EPHA5: variants seen among roughly 807,000 people sequenced by gnomAD.
The protein encoded by EPHA5 is ephrin type-A receptor 5.
Under a neutral mutation model 105.0 loss-of-function variants are expected in EPHA5, and 60 were observed. The observed-to-expected ratio is 0.57, with a 90% CI of 0.46 to 0.71. The LOEUF is 0.71. Ranked by LOEUF, EPHA5 falls within the 30% of genes least tolerant of loss-of-function variation. The probability of loss-of-function intolerance (pLI) is 0.00; values close to 1 mark genes in which losing one functional copy is unlikely to be tolerated. For missense variants in EPHA5, 1,218 were observed against 1,274.7 expected (o/e 0.96, Z 0.68); for synonymous variants, 513 against 449.1 (o/e 1.14, Z -1.80).
At position 65,561,192 on chromosome 4, in the gene EPHA5, A is replaced by C. The variant is rs377526092; in HGVS notation, c.910+40449T>G. Among the ~76,000 whole-genome samples the C allele has an allele frequency of 3.3e-5, 5 of 152,196 alleles. No homozygotes were observed. In the South Asian group the frequency reaches 1.0e-3, roughly 32 times the overall value. On this transcript the variant is annotated intron_variant, in intron 3 of 16. Transcript: ENST00000613740. ...AGGGACAAAAAACACAAACATTAAA[A>C]AAAAAACTATTCAGTCCCCTTGTTC...
chr4:65,428,451 T>G (rs988895484), intron 5 of EPHA5, among the ~76,000 whole-genome samples: 1 of 152,126 alleles, frequency 6.6e-6, no homozygotes, highest in African/African-American at 2.4e-5. Context: ...GAAGGTATTT[T>G]AAAGGTTTCT....
intron 12 of EPHA5, 28 bp downstream of exon 12, chr4:65,353,014 G>T: frequency 7.0e-7 from 1 of 1,430,640 alleles, no homozygotes; most frequent in Non-Finnish European, 9.5e-7. Flanking sequence ...ATAACACCTT[G>T]AATAACTAAA....
At position 65,506,493 on chromosome 4, in the gene EPHA5, G is replaced by A. The variant is rs113286749; in HGVS notation, c.911-10950C>T. Among the ~76,000 whole-genome samples the A allele has an allele frequency of 4.7e-3, 675 of 144,652 alleles. 77 individuals carry two copies. Among genetic ancestry groups the A allele is most frequent in the Non-Finnish European group, 6.7e-3 (436 of 65,438 alleles). The allele number at this position is 144,652 out of a possible 152,430, so 94.9% of individuals were successfully genotyped here. A position where few individuals can be genotyped will look rare whatever the true frequency, so the allele number is the denominator to read the frequency against. On this transcript the variant is annotated intron_variant, in intron 3 of 16. Transcript: ENST00000613740. ...AGTGTAAAAGTGTTCCTATTTCTCC[G>A]CATCCTCTCCAGCACCTGTTGTTTC...
intron 2 of EPHA5, among the ~76,000 whole-genome samples, chr4:65,641,077 A>G (rs949113518): frequency 1.3e-5 from 2 of 152,200 alleles, no homozygotes; most frequent in African/African-American, 4.8e-5. Context: ...AGAGTGTCTT[A>G]CAATGTAGTC....
At chr4:65,485,621 C>T (rs571066320) in intron 5 of EPHA5, among the ~76,000 whole-genome samples, 13 of 152,194 alleles carry the variant, frequency 8.5e-5, no homozygotes, top group Non-Finnish European at 1.3e-4. Flanking sequence ...ATCATTTAAT[C>T]GCTTCTATAG....
rs75832943 is a variant in EPHA5 at position 65,451,511 on chromosome 4, T to C, written c.1403-30946A>G. Among the ~76,000 whole-genome samples, 453 of 152,254 alleles carry C rather than the reference T, an allele frequency of 3.0e-3. 4 individuals carry two copies. The highest frequency in any genetic ancestry group is 0.01 in the African/African-American group (428 of 41,566). On this transcript the variant is annotated intron_variant, in intron 5 of 16. Coordinates refer to ENST00000613740, the MANE Select transcript of EPHA5 (RefSeq NM_001281766.3). Reference sequence around the variant, plus strand: ...AATAAACATAGTTGTGGCACCTAAGTATGACATTCAAAGGATAGAATTACA... The same window carrying C: ...AATAAACATAGTTGTGGCACCTAAGCATGACATTCAAAGGATAGAATTACA...
chr4:65,416,758 T>C (rs977468174), intron 6 of EPHA5, among the ~76,000 whole-genome samples: 2 of 152,176 alleles, frequency 1.3e-5, no homozygotes, highest in Non-Finnish European at 2.9e-5. Context: ...CTCTCTGAGT[T>C]TGCCATACAT....
intron 3 of EPHA5, among the ~76,000 whole-genome samples, chr4:65,538,325 CA>C (rs749233711): frequency 6.6e-6 from 1 of 151,620 alleles, no homozygotes; most frequent in Non-Finnish European, 1.5e-5. Flanking sequence ...ACCAATTCAG[CA>C]AAAATGTTTA....
intron 8 of EPHA5, among the ~76,000 whole-genome samples, chr4:65,381,351 CA>C (rs1215425824): frequency 2.0e-5 from 3 of 151,466 alleles, no homozygotes; most frequent in African/African-American, 7.3e-5. Flanking sequence ...ATGGCATAGG[CA>C]TATGTCAAAT....
At chr4:65,556,212 A>G (rs1185275763) in intron 3 of EPHA5, among the ~76,000 whole-genome samples, 1 of 152,144 alleles carries the variant, frequency 6.6e-6, no homozygotes, top group East Asian at 1.9e-4. Flanking sequence ...GGATATGTTT[A>G]TTTCACCACC....
intron 5 of EPHA5, among the ~76,000 whole-genome samples, chr4:65,479,353 T>G (rs72641080): frequency 0.13 from 19,806 of 152,140 alleles, 1,810 homozygotes; most frequent in East Asian, 0.41. Context: ...GTCCAGAGAT[T>G]TAACCCATAC....
intron 1 of EPHA5, among the ~76,000 whole-genome samples, chr4:65,659,319 GAAAAAAAAAAAAAAAAAAA>G (rs5858980): frequency 5.6e-5 from 4 of 71,612 alleles, no homozygotes; most frequent in Admixed American, 1.7e-4. Flanking sequence ...TAGAGTAACA[GAAAAAAAAAAAAAAAAAAA>G]AAAAAAAAAA....
At chr4:65,579,759 T>C (rs182240006) in intron 3 of EPHA5, among the ~76,000 whole-genome samples, 1 of 152,022 alleles carries the variant, frequency 6.6e-6, no homozygotes, top group Non-Finnish European at 1.5e-5. Flanking sequence ...GCTGAAATGA[T>C]AAATTCTGTT....
At chr4:65,379,134 A>G (rs1185985646) in intron 8 of EPHA5, among the ~76,000 whole-genome samples, 1 of 151,926 alleles carries the variant, frequency 6.6e-6, no homozygotes, top group African/African-American at 2.4e-5. Context: ...GTGATTGGCT[A>G]TTATCTCATA....
At chr4:65,639,690 C>T (rs974465152) in intron 2 of EPHA5, among the ~76,000 whole-genome samples, 2 of 152,122 alleles carry the variant, frequency 1.3e-5, no homozygotes, top group African/African-American at 4.8e-5. Context: ...ACCCATTTGG[C>T]CTCTCTTCTT....
rs565916747 is a variant in EPHA5 at position 65,395,930 on chromosome 4, G to A, written c.1793+8444C>T. Among the ~76,000 whole-genome samples, 55 of 152,258 alleles carry A rather than the reference G, an allele frequency of 3.6e-4. 1 individual carries two copies. The highest frequency in any genetic ancestry group is 9.1e-4 in the African/African-American group (38 of 41,562). ...GGGGGAGGTGAGGCCATGGTTATGCGCTCTATGGAGCCAGCAGAAGATGTC... is the reference window on the plus strand; with the variant it reads ...GGGGGAGGTGAGGCCATGGTTATGCACTCTATGGAGCCAGCAGAAGATGTC... On this transcript the variant is annotated intron_variant, in intron 8 of 16. Coordinates refer to ENST00000613740, the MANE Select transcript of EPHA5 (RefSeq NM_001281766.3).
chr4:65,542,833 T>C lies in EPHA5; in HGVS notation c.911-47290A>G, dbSNP rs11932861. On this transcript the variant is annotated intron_variant, in intron 3 of 16. Transcript: ENST00000613740. Reference sequence around the variant, plus strand: ...GATATGAAAATCCTCAATAAAATACTGGCAAATCAAATTCAGCAGCACATG... The same window carrying C: ...GATATGAAAATCCTCAATAAAATACCGGCAAATCAAATTCAGCAGCACATG... Among the ~76,000 whole-genome samples, 1,339 of 151,970 alleles carry C rather than the reference T, an allele frequency of 8.8e-3. 13 individuals are homozygous for C. The highest frequency in any genetic ancestry group is 0.026 in the South Asian group (127 of 4,808).
chr4:65,630,739 T>A (rs1033034083), intron 2 of EPHA5, among the ~76,000 whole-genome samples: 18 of 152,134 alleles, frequency 1.2e-4, no homozygotes, highest in African/African-American at 4.1e-4. Flanking sequence ...CCTGTACAGA[T>A]TCGCCGCTGG....
chr4:65,615,223 A>T (rs1263904994), intron 2 of EPHA5, among the ~76,000 whole-genome samples: 2 of 151,814 alleles, frequency 1.3e-5, no homozygotes, highest in Non-Finnish European at 3.0e-5. Context: ...GTAAGAGAAA[A>T]AAATGGCAGG....
Sources: gnomAD v4.1 joint callset for allele counts (sites outside exome capture counted in the v4.1 genomes callset) on GRCh38, gnomAD v4.1.1 for gene constraint, MANE v1.5 for transcripts, NCBI Gene and HGNC (gene_info 2026-07-23, HGNC 2026-07-21) for gene names.